The following PRKN variants were observed in gnomAD, a reference collection of about 807,000 sequenced individuals.
The protein encoded by PRKN is E3 ubiquitin-protein ligase parkin.
A neutral mutation model predicts 59.5 loss-of-function variants in PRKN; 56 were observed. That is an observed-to-expected ratio of 0.94 (90% CI 0.76 to 1.18). PRKN has a LOEUF of 1.18. Ranked by LOEUF, PRKN falls within the 50% of genes most tolerant of loss-of-function variation. PRKN has a pLI of 0.00. For synonymous variants in PRKN, 250 were observed against 222.1 expected (o/e 1.13, Z -1.12); for missense variants, 657 against 596.4 (o/e 1.10, Z -1.06).
chr6:161,563,993 C>T (rs1780546186), intron 8 of PRKN, among the ~76,000 whole-genome samples: 1 of 152,198 alleles, frequency 6.6e-6, no homozygotes, highest in Non-Finnish European at 1.5e-5. Context: ...GATTGAGCTT[C>T]ACTCTCCCTT....
At chr6:161,994,296 T>C (rs1386447742) in intron 5 of PRKN, among the ~76,000 whole-genome samples, 1 of 150,994 alleles carries the variant, frequency 6.6e-6, no homozygotes, top group Non-Finnish European at 1.5e-5. Context: ...TGAATAGATG[T>C]AGAAAAAGCT....
rs1228220622 is a variant in PRKN at position 161,462,758 on chromosome 6, G to A, written c.1084-75881C>T. ...GAAAATATCACCCTGTTTCTCTGGA[G>A]AACGGTAGCAATAAAAACACACAGA... On this transcript the variant is annotated intron_variant, in intron 9 of 11. Transcript: ENST00000366898. The surrounding 1 kb of genome is among the most constrained non-coding windows in gnomAD (Gnocchi z 4.5). Among the ~76,000 whole-genome samples, 2 of 152,160 alleles carry A rather than the reference G, an allele frequency of 1.3e-5. No homozygotes were observed. The highest frequency in any genetic ancestry group is 4.8e-5 in the African/African-American group (2 of 41,430).
chr6:162,623,151 G>A (rs748531252), intron 1 of PRKN, among the ~76,000 whole-genome samples: 1 of 152,058 alleles, frequency 6.6e-6, no homozygotes, highest in Non-Finnish European at 1.5e-5. Context: ...TAGCTTCTTC[G>A]GGTCATAAAT....
chr6:162,457,057 T>C (rs1790910384), intron 1 of PRKN, among the ~76,000 whole-genome samples: 1 of 152,182 alleles, frequency 6.6e-6, no homozygotes, highest in Non-Finnish European at 1.5e-5. Flanking sequence ...ACACTCAACC[T>C]CAACTGAGAA....
At position 162,414,726 on chromosome 6, in the gene PRKN, A is replaced by AAAAAAAAAGGT. The variant is rs34838356; in HGVS notation, c.171+28583_171+28584insACCTTTTTTTT. Among the ~76,000 whole-genome samples, 3 of 91,870 alleles carry AAAAAAAAAGGT rather than the reference A, an allele frequency of 3.3e-5. 1 individual carries two copies. The highest frequency in any genetic ancestry group is 6.3e-5 in the Non-Finnish European group (3 of 47,960). 60.3% of individuals were successfully genotyped at this position (91,870 alleles called of 152,430 possible). A position where few individuals can be genotyped will look rare whatever the true frequency, so the allele number is the denominator to read the frequency against. The stretch of plus-strand genomic sequence containing the variant: ...ACTCCGTCTCAAAAAAAAAAAAAAA[A>AAAAAAAAAGGT]AGTGAATCTTTGAAGTTTTAAAATA... On this transcript the variant is annotated intron_variant, in intron 2 of 11. Transcript: ENST00000366898.
At chr6:162,588,096 C>T (rs1214182350) in intron 1 of PRKN, among the ~76,000 whole-genome samples, 1 of 150,640 alleles carries the variant, frequency 6.6e-6, no homozygotes, top group Non-Finnish European at 1.5e-5. Flanking sequence ...CTGCAACCTC[C>T]GCTTCCTGGG....
chr6:161,653,186 C>A (rs1357519193), intron 7 of PRKN, among the ~76,000 whole-genome samples: 3 of 151,730 alleles, frequency 2.0e-5, no homozygotes, highest in East Asian at 1.9e-4. Context: ...CATGGTGAAA[C>A]CCCGTCTCTA....
Position 162,456,164 on chromosome 6 carries a change from TA to T in PRKN, c.8-12692del, listed in dbSNP as rs527643406. Reference sequence around the variant, plus strand: ...TATAATAAAATCTCTTCTATTCCAATAAACTTATTAGTTAGAACACGGGCTT... The same window carrying T: ...TATAATAAAATCTCTTCTATTCCAATAACTTATTAGTTAGAACACGGGCTT... On this transcript the variant is annotated intron_variant, in intron 1 of 11. Transcript: ENST00000366898. Among the ~76,000 whole-genome samples, 355 of 152,254 alleles carry T rather than the reference TA, an allele frequency of 2.3e-3. 1 individual carries two copies. Among genetic ancestry groups the T allele is most frequent in the African/African-American group, 8.2e-3 (342 of 41,572 alleles).
rs569675824 is a variant in PRKN at position 162,591,831 on chromosome 6, A to C, written c.7+135831T>G. ...TTTGTAATAATAATAATCCTTTGTA[A>C]TAATAATCAAAATTAGTGATATTCT... On this transcript the variant is annotated intron_variant, in intron 1 of 11. Transcript: ENST00000366898. Among the ~76,000 whole-genome samples, 3 of 152,126 alleles carry C rather than the reference A, an allele frequency of 2.0e-5. No individual in the cohort carries two copies. In the East Asian group the frequency reaches 5.8e-4, roughly 29 times the overall value.
intron 2 of PRKN, among the ~76,000 whole-genome samples, chr6:162,425,554 A>T (rs1789197032): frequency 6.6e-6 from 1 of 152,240 alleles, no homozygotes; most frequent in Non-Finnish European, 1.5e-5. Flanking sequence ...CATTGGAAAA[A>T]GAATCACATA....
intron 1 of PRKN, among the ~76,000 whole-genome samples, chr6:162,450,820 G>A (rs1334684456): frequency 1.3e-5 from 2 of 152,142 alleles, no homozygotes; most frequent in Non-Finnish European, 2.9e-5. Context: ...GAAAAGAAAA[G>A]AGACATTCGG....
intron 1 of PRKN, among the ~76,000 whole-genome samples, chr6:162,615,882 C>A (rs1444017339): frequency 2.0e-5 from 3 of 152,324 alleles, no homozygotes; most frequent in Middle Eastern, 6.8e-3. Context: ...GAAGGACTTA[C>A]TGATCACCTG....
At chr6:161,839,592 C>G (rs1403107713) in intron 6 of PRKN, among the ~76,000 whole-genome samples, 1 of 152,108 alleles carries the variant, frequency 6.6e-6, no homozygotes, top group African/African-American at 2.4e-5. Context: ...CTTGGAACCC[C>G]AGGAGAGTCA....
chr6:162,175,223 G>A (rs1783477958), intron 4 of PRKN, among the ~76,000 whole-genome samples: 1 of 152,216 alleles, frequency 6.6e-6, no homozygotes, highest in Non-Finnish European at 1.5e-5. Flanking sequence ...AGAGGTCATA[G>A]AGCAGGAAGA....
At chr6:161,773,399 G>A (rs1789777971) in intron 7 of PRKN, among the ~76,000 whole-genome samples, 1 of 152,180 alleles carries the variant, frequency 6.6e-6, no homozygotes, top group Non-Finnish European at 1.5e-5. Flanking sequence ...CTGCTGACGA[G>A]GCAGGGGGAA....
rs1226462366 is a variant in PRKN at position 161,353,273 on chromosome 6, TG to T, written c.1286-3063del. Reference sequence around the variant, plus strand: ...GAACCATCCGCAGCTGTTCTGACTGTGGGTTATAAGACCCGGATTTCAGAAA... The same window carrying T: ...GAACCATCCGCAGCTGTTCTGACTGTGGTTATAAGACCCGGATTTCAGAAA... On this transcript the variant is annotated intron_variant, in intron 11 of 11. Coordinates refer to ENST00000366898, the MANE Select transcript of PRKN (RefSeq NM_004562.3). This position sits in a 1 kb window ranked among gnomAD's most constrained non-coding sequence, Gnocchi z 4.8. Among the ~76,000 whole-genome samples, 1 of 152,148 alleles carries T rather than the reference TG, an allele frequency of 6.6e-6. No homozygotes were observed. Among genetic ancestry groups the T allele is most frequent in the African/African-American group, 2.4e-5 (1 of 41,430 alleles).
intron 9 of PRKN, among the ~76,000 whole-genome samples, chr6:161,537,556 A>T (rs1224064960): frequency 6.6e-6 from 1 of 150,704 alleles, no homozygotes; most frequent in Non-Finnish European, 1.5e-5. Context: ...GGTTCACACC[A>T]TTCTCCTGCC....
rs577758478 is a variant in PRKN at position 161,909,969 on chromosome 6, A to T, written c.734+63333T>A. ...CGGTGGGGGAAGGAAAACAACATTCATGATTCATGGGAGGAGATAAAATAG... is the reference window on the plus strand; with the variant it reads ...CGGTGGGGGAAGGAAAACAACATTCTTGATTCATGGGAGGAGATAAAATAG... On this transcript the variant is annotated intron_variant, in intron 6 of 11. Transcript: ENST00000366898. 5.9e-5 allele frequency among the ~76,000 whole-genome samples: 9 copies of T among 152,264 alleles called. No individual in the cohort carries two copies. In the South Asian group the frequency reaches 1.7e-3, roughly 28 times the overall value.
At chr6:162,341,447 C>T (rs1397784657) in intron 2 of PRKN, among the ~76,000 whole-genome samples, 1 of 152,110 alleles carries the variant, frequency 6.6e-6, no homozygotes, top group Non-Finnish European at 1.5e-5. Flanking sequence ...ACTATAAAGA[C>T]ACATGCACAT....
Sources: allele counts gnomAD v4.1 joint callset (sites outside exome capture counted in the v4.1 genomes callset), GRCh38; gene constraint gnomAD v4.1.1; non-coding constraint Gnocchi (gnomAD v3.1); transcripts MANE v1.5; gene names NCBI Gene and HGNC (gene_info 2026-07-23, HGNC 2026-07-21).